BNC2: variants seen among roughly 807,000 people sequenced by gnomAD.
The protein encoded by BNC2 is zinc finger protein basonuclin-2.
A neutral mutation model predicts 76.3 loss-of-function variants in BNC2; 20 were observed. The observed-to-expected ratio is 0.26, with a 90% CI of 0.18 to 0.38. The LOEUF is 0.38. Ranked by LOEUF, BNC2 falls within the 10% of genes least tolerant of loss-of-function variation. BNC2 has a pLI of 1.00. For synonymous variants in BNC2, 582 were observed against 514.8 expected (o/e 1.13, Z -1.77); for missense variants, 1,382 against 1,399.8 (o/e 0.99, Z 0.20).
chr9:16,585,511 C>T (rs1382687725), intron 3 of BNC2, among the ~76,000 whole-genome samples: 2 of 152,128 alleles, frequency 1.3e-5, no homozygotes, highest in Non-Finnish European at 2.9e-5. Context: ...ATATAGACTA[C>T]AATTTTCCCT....
chr9:16,472,645 T>C (rs760992433), intron 5 of BNC2, among the ~76,000 whole-genome samples: 15 of 152,208 alleles, frequency 9.9e-5, no homozygotes, highest in Non-Finnish European at 1.6e-4. Flanking sequence ...CCACTTCTTA[T>C]AATCCTTCTT....
At chr9:16,839,644 T>C (rs1818781821) in intron 1 of BNC2, among the ~76,000 whole-genome samples, 1 of 152,198 alleles carries the variant, frequency 6.6e-6, no homozygotes, top group Non-Finnish European at 1.5e-5. Flanking sequence ...TTAGGCGCCA[T>C]CACTATATGC....
chr9:16,564,003 C>A lies in BNC2; in HGVS notation c.434-11238G>T, dbSNP rs530322982. On this transcript the variant is annotated intron_variant, in intron 4 of 6. Transcript: ENST00000380672. The stretch of plus-strand genomic sequence containing the variant: ...ATATTTTATTAATTTTCATTGTAGG[C>A]ATGCATGTTGAGTGATAAAAGACTT... 1.3e-4 allele frequency among the ~76,000 whole-genome samples: 20 copies of A among 149,724 alleles called. No individual in the cohort carries two copies. In the East Asian group the frequency reaches 3.9e-3, roughly 29 times the overall value.
intron 5 of BNC2, among the ~76,000 whole-genome samples, chr9:16,517,371 C>T (rs371095257): frequency 1.3e-5 from 2 of 152,150 alleles, no homozygotes; most frequent in East Asian, 3.8e-4. Context: ...TACTGAAATA[C>T]TGGCATTCAC....
intron 5 of BNC2, among the ~76,000 whole-genome samples, chr9:16,480,490 C>G (rs1822024735): frequency 1.3e-5 from 2 of 152,206 alleles, no homozygotes; most frequent in African/African-American, 4.8e-5. Context: ...GCTCCCTCGG[C>G]TTGCAGGGAG....
At chr9:16,558,006 G>A (rs1019297303) in intron 4 of BNC2, among the ~76,000 whole-genome samples, 6 of 151,994 alleles carry the variant, frequency 3.9e-5, no homozygotes, top group Non-Finnish European at 5.9e-5. Flanking sequence ...ACCATACCCA[G>A]CTAATTTTTC....
At chr9:16,828,060 G>A (rs1289521444) in intron 1 of BNC2, among the ~76,000 whole-genome samples, 1 of 152,118 alleles carries the variant, frequency 6.6e-6, no homozygotes, top group Non-Finnish European at 1.5e-5. Context: ...TGTCTGCAAT[G>A]ATATGTTCAC....
At chr9:16,463,138 C>T (rs1014794238) in intron 5 of BNC2, among the ~76,000 whole-genome samples, 2 of 152,026 alleles carry the variant, frequency 1.3e-5, no homozygotes, top group Admixed American at 1.3e-4. Context: ...GTGTGTGTAA[C>T]AGGAAACATG....
chr9:16,535,459 A>C (rs1818101535), intron 5 of BNC2, among the ~76,000 whole-genome samples: 1 of 152,154 alleles, frequency 6.6e-6, no homozygotes, highest in Admixed American at 6.5e-5. Context: ...TGAAGCCTGG[A>C]ATCAACCTAT....
chr9:16,606,066 A>T (rs1820375306), intron 3 of BNC2, among the ~76,000 whole-genome samples: 1 of 152,142 alleles, frequency 6.6e-6, no homozygotes, highest in Non-Finnish European at 1.5e-5. Context: ...TAAACAAGCC[A>T]TTTAGAGTGC....
intron 5 of BNC2, among the ~76,000 whole-genome samples, chr9:16,518,670 G>C (rs1422628435): frequency 6.6e-6 from 1 of 151,866 alleles, no homozygotes; most frequent in Admixed American, 6.6e-5. Context: ...GCACCGTCTT[G>C]GCTCACTGCA....
chr9:16,463,306 T>C (rs1296788826), intron 5 of BNC2, among the ~76,000 whole-genome samples: 2 of 136,790 alleles, frequency 1.5e-5, no homozygotes, highest in East Asian at 2.0e-4. Context: ...TTTTTTTTTT[T>C]TTTTTTTTGA....
chr9:16,566,318 T>G (rs1819166194), intron 4 of BNC2, among the ~76,000 whole-genome samples: 1 of 152,166 alleles, frequency 6.6e-6, no homozygotes, highest in African/African-American at 2.4e-5. Context: ...AAGCCATTAT[T>G]CTATTTTCAA....
At chr9:16,541,855 TCTC>T (rs1174079582) in intron 5 of BNC2, among the ~76,000 whole-genome samples, 2 of 152,046 alleles carry the variant, frequency 1.3e-5, no homozygotes, top group South Asian at 2.1e-4. Flanking sequence ...TTCCAAACAT[TCTC>T]CTATTTATCC....
intron 3 of BNC2, among the ~76,000 whole-genome samples, chr9:16,662,527 A>C (rs997784783): frequency 2.6e-5 from 4 of 152,162 alleles, no homozygotes; most frequent in Admixed American, 2.6e-4. Context: ...CCTGAGGTCA[A>C]GAGTTCAAGG....
At chr9:16,745,346 T>C (rs965980245) in intron 1 of BNC2, among the ~76,000 whole-genome samples, 1 of 152,312 alleles carries the variant, frequency 6.6e-6, no homozygotes, top group Non-Finnish European at 1.5e-5. Context: ...ATGACCAACA[T>C]GTAAAACACA....
At chr9:16,421,256 G>A (rs1820703622) in intron 6 of BNC2, 2 of 1,299,946 alleles carry the variant, frequency 1.5e-6, no homozygotes, top group African/African-American at 1.5e-5. Flanking sequence ...GGAAGGCTGA[G>A]CTTACCTTGT....
chr9:16,557,827 G>C (rs921906619), intron 4 of BNC2, among the ~76,000 whole-genome samples: 1 of 151,184 alleles, frequency 6.6e-6, no homozygotes, highest in East Asian at 1.9e-4. Flanking sequence ...CTCAACACCA[G>C]TATTTCTTTC....
At chr9:16,793,465 A>G (rs1240447026) in intron 1 of BNC2, among the ~76,000 whole-genome samples, 3 of 152,040 alleles carry the variant, frequency 2.0e-5, no homozygotes, top group Non-Finnish European at 4.4e-5. Context: ...GGAAGGATCA[A>G]TTCTAGTTTT....
Sources: gnomAD v4.1 joint callset for allele counts (sites outside exome capture counted in the v4.1 genomes callset) on GRCh38, gnomAD v4.1.1 for gene constraint, MANE v1.5 for transcripts, NCBI Gene and HGNC (gene_info 2026-07-23, HGNC 2026-07-21) for gene names.